CYRIB: variants seen among roughly 807,000 people sequenced by gnomAD.
CYRIB encodes CYFIP related Rac1 interactor B.
A neutral mutation model predicts 44.2 loss-of-function variants in CYRIB; 8 were observed. The observed-to-expected ratio is 0.18, with a 90% confidence interval of 0.11 to 0.33. CYRIB has a LOEUF of 0.33. Among genes scored for constraint, CYRIB ranks in the 10% least tolerant of loss-of-function variants. The pLI, the probability that CYRIB is intolerant of heterozygous loss-of-function variation, is 1.00. For synonymous variants in CYRIB, 131 were observed against 127.2 expected (o/e 1.03, Z -0.20); for missense variants, 185 against 382.8 (o/e 0.48, Z 4.31).
At chr8:129,845,970 G>T (rs918391113) in intron 11 of CYRIB, among the ~76,000 whole-genome samples, 1 of 152,022 alleles carries the variant, frequency 6.6e-6, no homozygotes. Flanking sequence ...ATGGTGAAAC[G>T]CTGTCTTTAC....
intron 1 of CYRIB, among the ~76,000 whole-genome samples, chr8:129,917,101 C>T (rs2081143745): frequency 6.6e-6 from 1 of 152,162 alleles, no homozygotes. Flanking sequence ...CTATTATTAG[C>T]AACACAGATC....
At chr8:129,869,381 C>CAAA (rs572134261) in intron 4 of CYRIB, among the ~76,000 whole-genome samples, 46 of 73,824 alleles carry the variant, frequency 6.2e-4, no homozygotes, top group Middle Eastern at 7.9e-3. Context: ...AACTCTGCCT[C>CAAA]AAAAAAAAAA....
At chr8:129,919,018 T>C (rs912106154) in intron 1 of CYRIB, among the ~76,000 whole-genome samples, 3 of 152,122 alleles carry the variant, frequency 2.0e-5, no homozygotes, top group Non-Finnish European at 4.4e-5. Flanking sequence ...TTACAGATAG[T>C]TTTTAAATTA....
intron 1 of CYRIB, among the ~76,000 whole-genome samples, chr8:129,928,940 GC>G (rs1297319978): frequency 2.6e-5 from 4 of 152,038 alleles, no homozygotes; most frequent in Non-Finnish European, 5.9e-5. Context: ...CTATTCCTAG[GC>G]ATCTATGCAA....
chr8:129,964,382 T>C (rs2095391584), intron 2 of CYRIB, among the ~76,000 whole-genome samples: 1 of 152,226 alleles, frequency 6.6e-6, no homozygotes, highest in African/African-American at 2.4e-5. Context: ...TAGTACTGAC[T>C]GAATACTTCC....
chr8:129,992,042 A>G (rs1252727805), intron 1 of CYRIB, among the ~76,000 whole-genome samples: 1 of 149,428 alleles, frequency 6.7e-6, no homozygotes, highest in Non-Finnish European at 1.5e-5. Flanking sequence ...TAGGCTGAGC[A>G]TGGTGGTTCA....
chr8:129,893,755 G>A (rs2066538268), intron 2 of CYRIB, among the ~76,000 whole-genome samples: 1 of 151,516 alleles, frequency 6.6e-6, no homozygotes, highest in Admixed American at 6.6e-5. Flanking sequence ...GGCTGGACTT[G>A]AACTCCTGGC....
chr8:129,944,737 C>G (rs367898367), upstream of CYRIB, among the ~76,000 whole-genome samples: 1 of 151,960 alleles, frequency 6.6e-6, no homozygotes, highest in South Asian at 2.1e-4. Context: ...GAGCCAATAT[C>G]CCACCATTGC....
chr8:129,970,190 G>A (rs1273935537), intron 2 of CYRIB, among the ~76,000 whole-genome samples: 1 of 152,140 alleles, frequency 6.6e-6, no homozygotes, highest in East Asian at 1.9e-4. Context: ...AAAGTTAAAA[G>A]CACGCCTACG....
chr8:130,001,120 A>T (rs1383904923), intron 1 of CYRIB, among the ~76,000 whole-genome samples: 2 of 152,150 alleles, frequency 1.3e-5, no homozygotes, highest in Non-Finnish European at 2.9e-5. Flanking sequence ...GGAAATTTGC[A>T]ATCCCATAAA....
intron 2 of CYRIB, among the ~76,000 whole-genome samples, chr8:129,949,896 TCATCTATAAAACAGCCACA>T (rs1007260192): frequency 6.6e-6 from 1 of 152,002 alleles, no homozygotes; most frequent in Admixed American, 6.6e-5. Flanking sequence ...AATACACTAC[TCATCTATAAAACAGCCACA>T]ATTATCACCT....
chr8:129,879,435 T>A lies in CYRIB; in HGVS notation c.27A>T (p.Thr9=), dbSNP rs1257601569. Residue 9 remains threonine, a synonymous_variant, in exon 3 of 12, where the codon ACA becomes ACT. Transcript: ENST00000519824. ...TTGGCCCCTGCTCAAGGTCTGTGCA[T>A]GTCAAAACTTTAAGAAGATTCCCCA... 6 of 1,611,128 alleles carry A rather than the reference T, an allele frequency of 3.7e-6. No individual in the cohort carries two copies. In the African/African-American group the frequency reaches 6.7e-5, roughly 18 times the overall value.
In CYRIB at chr8:129,945,510, T is replaced by C. The variant is rs1333296789; in HGVS notation, c.-243+25433A>G. Among the ~76,000 whole-genome samples the C allele has an allele frequency of 2.6e-5, 4 of 152,152 alleles. No homozygotes were observed. In the East Asian group the frequency reaches 7.7e-4, roughly 29 times the overall value. ...CAATAACAGTTTTCAGTCTTGGTTT[T>C]CTCCTTATGCTTTTTTGACTCCCAC... On this transcript the variant is annotated intron_variant, in intron 2 of 14. Transcript: ENST00000401979.
At chr8:129,907,551 C>T (rs193198282) in intron 1 of CYRIB, among the ~76,000 whole-genome samples, 1 of 151,970 alleles carries the variant, frequency 6.6e-6, no homozygotes, top group Admixed American at 6.6e-5. Context: ...ATGTAACAAA[C>T]CTGCACATTG....
intron 2 of CYRIB, among the ~76,000 whole-genome samples, chr8:129,965,292 C>T (rs1214343273): frequency 6.6e-6 from 1 of 151,126 alleles, no homozygotes; most frequent in Non-Finnish European, 1.5e-5. Flanking sequence ...TTCCAGCAAT[C>T]GCCCAGGCAT....
chr8:129,985,035 G>A (rs553409042), intron 1 of CYRIB, among the ~76,000 whole-genome samples: 27 of 152,302 alleles, frequency 1.8e-4, no homozygotes, highest in African/African-American at 6.0e-4. Flanking sequence ...CTCCCAAAGT[G>A]CTGGGATTAC....
chr8:130,016,049 A>G (rs2097335676), intron 1 of CYRIB, among the ~76,000 whole-genome samples: 1 of 151,342 alleles, frequency 6.6e-6, no homozygotes, highest in South Asian at 2.1e-4. Flanking sequence ...CGAGGCGCAC[A>G]AGGCGCCGGC....
intron 1 of CYRIB, among the ~76,000 whole-genome samples, chr8:129,991,506 A>G (rs559536500): frequency 1.3e-5 from 2 of 152,190 alleles, no homozygotes; most frequent in East Asian, 3.9e-4. Flanking sequence ...AGAGGAAGAG[A>G]GACCTGAGCT....
In CYRIB at chr8:129,854,109, T is replaced by C. The variant is rs192290251; in HGVS notation, c.516+157A>G. Among the ~76,000 whole-genome samples, 195 of 152,352 alleles carry C rather than the reference T, an allele frequency of 1.3e-3. 4 individuals carry two copies. The South Asian group carries it at 0.039, about 31-fold the overall frequency. ...AAACAGGTAAACACCATATGGTTTG[T>C]TACAGTTTGCTTTTCCTCCTACAGC... On this transcript the variant is annotated intron_variant, in intron 7 of 11. Coordinates refer to ENST00000519824, the Ensembl canonical transcript of CYRIB.
Sources: allele counts gnomAD v4.1 joint callset (sites outside exome capture counted in the v4.1 genomes callset), GRCh38; gene constraint gnomAD v4.1.1; transcripts MANE v1.5; gene names NCBI Gene and HGNC (gene_info 2026-07-23, HGNC 2026-07-21).